The following NRG3 variants were observed in gnomAD, a reference collection of about 807,000 sequenced individuals.
NRG3 encodes the protein neuregulin 3, also known as pro-neuregulin-3, membrane-bound isoform.
A neutral mutation model predicts 66.9 loss-of-function variants in NRG3; 31 were observed. The observed-to-expected ratio is 0.46, with a 90% CI of 0.35 to 0.63. NRG3 has a LOEUF of 0.63. Ranked by LOEUF, NRG3 falls within the 20% of genes least tolerant of loss-of-function variation. The pLI is 0.00. For missense variants in NRG3, 910 were observed against 878.9 expected (o/e 1.04, Z -0.45); for synonymous variants, 393 against 359.4 (o/e 1.09, Z -1.06).
intron 2 of NRG3, among the ~76,000 whole-genome samples, chr10:82,421,762 T>G (rs2089094641): frequency 6.6e-6 from 1 of 152,078 alleles, no homozygotes; most frequent in Non-Finnish European, 1.5e-5. Context: ...CTCATTCTAG[T>G]TCAGTTCCTG....
At chr10:82,876,649 G>C (rs986330623) in intron 4 of NRG3, among the ~76,000 whole-genome samples, 1 of 152,174 alleles carries the variant, frequency 6.6e-6, no homozygotes. Context: ...TGAGTTGGTA[G>C]TAGGTTCTGA....
intron 1 of NRG3, among the ~76,000 whole-genome samples, chr10:81,888,534 G>A (rs1366908928): frequency 6.6e-6 from 1 of 152,132 alleles, no homozygotes; most frequent in Non-Finnish European, 1.5e-5. Context: ...AGCATATGAG[G>A]CCATTTCAGA....
intron 1 of NRG3, among the ~76,000 whole-genome samples, chr10:82,058,197 A>G (rs986792252): frequency 6.6e-6 from 1 of 151,912 alleles, no homozygotes; most frequent in African/African-American, 2.4e-5. Flanking sequence ...GGCTCTATGT[A>G]TATTAAGGAT....
intron 2 of NRG3, among the ~76,000 whole-genome samples, chr10:82,377,668 C>G (rs1469662908): frequency 1.3e-5 from 2 of 151,986 alleles, no homozygotes; most frequent in Non-Finnish European, 2.9e-5. Context: ...ACTAGGAGAC[C>G]AGGAAGGAGT....
chr10:82,184,346 C>T (rs1010275616), intron 1 of NRG3, among the ~76,000 whole-genome samples: 3 of 152,042 alleles, frequency 2.0e-5, no homozygotes, highest in African/African-American at 7.2e-5. Context: ...ACTTACATTC[C>T]ATTGGTAAGA....
At chr10:82,044,872 C>T (rs1235043703) in intron 1 of NRG3, among the ~76,000 whole-genome samples, 5 of 151,866 alleles carry the variant, frequency 3.3e-5, no homozygotes, top group Non-Finnish European at 7.4e-5. Context: ...CAATTTCATC[C>T]ATGTCCCTAC....
At chr10:82,062,142 A>G (rs941161424) in intron 1 of NRG3, among the ~76,000 whole-genome samples, 7 of 152,114 alleles carry the variant, frequency 4.6e-5, no homozygotes, top group Admixed American at 3.9e-4. Context: ...CAGCCCGGGA[A>G]ACAAAGCCCT....
chr10:82,861,068 A>G (rs1475656721), intron 3 of NRG3, among the ~76,000 whole-genome samples: 1 of 152,128 alleles, frequency 6.6e-6, no homozygotes, highest in Non-Finnish European at 1.5e-5. Flanking sequence ...ATATGAACCA[A>G]ATCCTGTCTT....
At chr10:82,535,997 T>G (rs1020395033) in intron 2 of NRG3, among the ~76,000 whole-genome samples, 4 of 151,898 alleles carry the variant, frequency 2.6e-5, no homozygotes, top group African/African-American at 9.7e-5. Flanking sequence ...GGACAATCCT[T>G]AAGCTGAGAT....
At chr10:82,037,783 A>C (rs950250174) in intron 1 of NRG3, among the ~76,000 whole-genome samples, 1 of 152,002 alleles carries the variant, frequency 6.6e-6, no homozygotes, top group Non-Finnish European at 1.5e-5. Context: ...CGGGCTTTCC[A>C]GGGTTGTTTT....
intron 2 of NRG3, among the ~76,000 whole-genome samples, chr10:82,717,471 C>T (rs1308328143): frequency 7.5e-6 from 1 of 132,888 alleles, no homozygotes; most frequent in East Asian, 2.4e-4. Context: ...TTGATCTTGG[C>T]TCACTGCAAG....
intron 1 of NRG3, among the ~76,000 whole-genome samples, chr10:82,142,743 G>C (rs2132659558): frequency 6.7e-6 from 1 of 148,370 alleles, no homozygotes; most frequent in Non-Finnish European, 1.5e-5. Flanking sequence ...TAAGATGTGA[G>C]AGTCCTCTCT....
At chr10:82,275,074 T>A (rs958149666) in intron 1 of NRG3, among the ~76,000 whole-genome samples, 1 of 151,998 alleles carries the variant, frequency 6.6e-6, no homozygotes, top group African/African-American at 2.4e-5. Context: ...AATAAAATAA[T>A]TCAAAAAATG....
intron 1 of NRG3, among the ~76,000 whole-genome samples, chr10:82,298,696 C>T (rs1313090845): frequency 6.6e-6 from 1 of 152,138 alleles, no homozygotes; most frequent in Non-Finnish European, 1.5e-5. Flanking sequence ...CAACTCCATT[C>T]CTTTCTTTCA....
At chr10:82,709,504 C>T (rs555197736) in intron 2 of NRG3, among the ~76,000 whole-genome samples, 2 of 152,192 alleles carry the variant, frequency 1.3e-5, no homozygotes, top group South Asian at 2.1e-4. Flanking sequence ...GTCTCAGCCT[C>T]CTGAGTAGCT....
chr10:82,092,603 A>G (rs543987039), intron 1 of NRG3, among the ~76,000 whole-genome samples: 31 of 152,254 alleles, frequency 2.0e-4, no homozygotes, highest in Non-Finnish European at 3.8e-4. Context: ...ATCATTCTAC[A>G]TGGGTCTCTT....
chr10:82,411,646 T>G (rs1247505225), intron 2 of NRG3, among the ~76,000 whole-genome samples: 1 of 152,148 alleles, frequency 6.6e-6, no homozygotes, highest in Non-Finnish European at 1.5e-5. Flanking sequence ...CTCTCAGACA[T>G]TTGAGTATTT....
At chr10:82,306,779 TTTTTTGATGGGA>T (rs1474359021) in intron 1 of NRG3, among the ~76,000 whole-genome samples, 3 of 151,502 alleles carry the variant, frequency 2.0e-5, no homozygotes, top group Admixed American at 1.3e-4. Flanking sequence ...TCCTATTGCT[TTTTTTGATGGGA>T]CAGGGAAGGG....
intron 4 of NRG3, among the ~76,000 whole-genome samples, chr10:82,930,099 C>T (rs1423977833): frequency 6.6e-6 from 1 of 152,052 alleles, no homozygotes; most frequent in Non-Finnish European, 1.5e-5. Flanking sequence ...AGGAGTGTCA[C>T]TTTGTGAACT....
Sources: allele counts gnomAD v4.1 joint callset (sites outside exome capture counted in the v4.1 genomes callset), GRCh38; gene constraint gnomAD v4.1.1; transcripts MANE v1.5; gene names NCBI Gene and HGNC (gene_info 2026-07-23, HGNC 2026-07-21).